Variants in PCDH15 observed in about 807,000 individuals in gnomAD.
The protein encoded by PCDH15 is protocadherin related 15.
Under a neutral mutation model 178.5 loss-of-function variants are expected in PCDH15, and 129 were observed. The observed-to-expected ratio is 0.72, with a 90% CI of 0.63 to 0.84. The LOEUF (loss-of-function observed/expected upper bound fraction) is 0.84, where lower values mean the gene tolerates loss of function less well. PCDH15 is among the 40% of genes least tolerant of loss of function. The pLI is 0.00. For missense variants in PCDH15, 2,230 were observed against 2,099.9 expected (o/e 1.06, Z -1.21); for synonymous variants, 800 against 732.0 (o/e 1.09, Z -1.50).
chr10:55,575,484 C>T (rs1433937412), intron 2 of PCDH15, among the ~76,000 whole-genome samples: 1 of 152,078 alleles, frequency 6.6e-6, no homozygotes, highest in South Asian at 2.1e-4. Context: ...ATTAATTCAA[C>T]CCCATACTGG....
intron 2 of PCDH15, among the ~76,000 whole-genome samples, chr10:54,577,684 C>T (rs1273796018): frequency 2.0e-5 from 3 of 151,942 alleles, no homozygotes; most frequent in African/African-American, 7.3e-5. Flanking sequence ...GGTTATGCCC[C>T]TTACAGGAGT....
intron 2 of PCDH15, among the ~76,000 whole-genome samples, chr10:55,518,772 A>T (rs892226780): frequency 1.3e-5 from 2 of 151,974 alleles, no homozygotes; most frequent in Non-Finnish European, 2.9e-5. Flanking sequence ...CAAGCCTCTG[A>T]TAAACTCTCC....
intron 2 of PCDH15, among the ~76,000 whole-genome samples, chr10:55,016,975 G>C (rs79563666): frequency 1.4e-5 from 2 of 140,874 alleles, no homozygotes; most frequent in African/African-American, 2.6e-5. Flanking sequence ...CACACACACA[G>C]AGGGAGAGAG....
At chr10:54,677,780 C>A (rs888719559) in intron 1 of PCDH15, among the ~76,000 whole-genome samples, 2 of 152,034 alleles carry the variant, frequency 1.3e-5, no homozygotes, top group African/African-American at 4.8e-5. Flanking sequence ...ATAGTGTGGC[C>A]AAGGAAACGC....
chr10:54,710,192 C>G (rs2095414223), intron 1 of PCDH15, among the ~76,000 whole-genome samples: 2 of 151,882 alleles, frequency 1.3e-5, no homozygotes, highest in Non-Finnish European at 2.9e-5. Context: ...CAGATCAATG[C>G]AATCAGTCCC....
chr10:54,781,350 T>C (rs1414373945), intron 1 of PCDH15, among the ~76,000 whole-genome samples: 3 of 152,062 alleles, frequency 2.0e-5, no homozygotes, highest in African/African-American at 7.2e-5. Flanking sequence ...AAGTCAAATA[T>C]ATTTTATATG....
At chr10:54,056,330 A>T (rs147405966) in intron 18 of PCDH15, among the ~76,000 whole-genome samples, 117 of 152,246 alleles carry the variant, frequency 7.7e-4, no homozygotes, top group African/African-American at 2.6e-3. Flanking sequence ...TAATGTTGCT[A>T]AAAAAGGCAT....
intron 1 of PCDH15, among the ~76,000 whole-genome samples, chr10:55,253,545 C>G (rs1841902629): frequency 6.6e-6 from 1 of 151,912 alleles, no homozygotes; most frequent in Non-Finnish European, 1.5e-5. Context: ...GAGAATGTAA[C>G]TTTACTAATA....
intron 1 of PCDH15, among the ~76,000 whole-genome samples, chr10:54,789,723 T>C: frequency 6.6e-6 from 1 of 151,950 alleles, no homozygotes; most frequent in East Asian, 1.9e-4. Flanking sequence ...TATGTGAGTT[T>C]AAGATTTTAG....
intron 1 of PCDH15, among the ~76,000 whole-genome samples, chr10:54,745,888 T>C (rs1945392539): frequency 6.6e-6 from 1 of 152,204 alleles, no homozygotes; most frequent in Non-Finnish European, 1.5e-5. Context: ...AATATACTTT[T>C]ATTAGATATT....
At chr10:54,706,422 A>G (rs1035446570) in intron 1 of PCDH15, among the ~76,000 whole-genome samples, 2 of 152,166 alleles carry the variant, frequency 1.3e-5, no homozygotes, top group Non-Finnish European at 2.9e-5. Flanking sequence ...AAGAATTTAA[A>G]TTGCATTGAA....
intron 9 of PCDH15, among the ~76,000 whole-genome samples, chr10:54,215,663 A>C (rs1215600017): frequency 6.6e-6 from 1 of 152,222 alleles, no homozygotes; most frequent in Non-Finnish European, 1.5e-5. Flanking sequence ...AAAAGAGATA[A>C]GTTTAACTAT....
At chr10:53,984,995 C>T (rs955704161) in intron 21 of PCDH15, among the ~76,000 whole-genome samples, 2 of 152,154 alleles carry the variant, frequency 1.3e-5, no homozygotes, top group African/African-American at 4.8e-5. Context: ...ATTCTATTCT[C>T]ACTATGTGAA....
intron 2 of PCDH15, among the ~76,000 whole-genome samples, chr10:55,494,602 G>A (rs895946950): frequency 1.3e-5 from 2 of 151,244 alleles, no homozygotes; most frequent in African/African-American, 4.8e-5. Context: ...TTTATATACT[G>A]GTTATTTTCC....
intron 2 of PCDH15, among the ~76,000 whole-genome samples, chr10:55,132,694 A>C (rs1413679408): frequency 6.6e-6 from 1 of 152,210 alleles, no homozygotes; most frequent in Non-Finnish European, 1.5e-5. Context: ...TAATACATTT[A>C]TATATAAAAA....
At chr10:54,182,253 C>T (rs969756957) in intron 13 of PCDH15, among the ~76,000 whole-genome samples, 38 of 152,178 alleles carry the variant, frequency 2.5e-4, no homozygotes, top group African/African-American at 6.3e-4. Context: ...AGGTGTGAGC[C>T]GCCATGCCCA....
At chr10:54,380,696 TATATGCTCC>T (rs1368161595) in intron 3 of PCDH15, among the ~76,000 whole-genome samples, 5 of 66,198 alleles carry the variant, frequency 7.6e-5, no homozygotes, top group African/African-American at 2.7e-4. Context: ...GCTCCATATA[TATATGCTCC>T]ATATATATAT....
intron 23 of PCDH15, among the ~76,000 whole-genome samples, chr10:53,942,285 T>G (rs915523302): frequency 2.4e-5 from 2 of 82,314 alleles, no homozygotes; most frequent in African/African-American, 7.4e-5. Context: ...TTTACTGTCC[T>G]GCATTTTCTT....
intron 18 of PCDH15, among the ~76,000 whole-genome samples, chr10:54,024,406 T>G (rs998025732): frequency 2.0e-5 from 3 of 152,124 alleles, no homozygotes; most frequent in African/African-American, 2.4e-5. Flanking sequence ...CCATAAAGCG[T>G]GGAATGCAAT....
Sources: allele counts gnomAD v4.1 joint callset (sites outside exome capture counted in the v4.1 genomes callset), GRCh38; gene constraint gnomAD v4.1.1; transcripts MANE v1.5; gene names NCBI Gene and HGNC (gene_info 2026-07-23, HGNC 2026-07-21).